SYTL2: variants seen among roughly 807,000 people sequenced by gnomAD.
SYTL2 encodes the protein synaptotagmin-like protein 2.
SYTL2 carries 165 observed loss-of-function variants against 198.7 expected under a neutral mutation model. The observed-to-expected ratio is 0.83, with a 90% CI of 0.73 to 0.94. The LOEUF is 0.94. Ranked by LOEUF, SYTL2 falls within the 40% of genes least tolerant of loss-of-function variation. The pLI, the probability that SYTL2 is intolerant of heterozygous loss-of-function variation, is 0.00. For synonymous variants in SYTL2, 966 were observed against 917.7 expected (o/e 1.05, Z -0.95); for missense variants, 2,835 against 2,582.8 (o/e 1.10, Z -2.12).
At chr11:85,794,060 G>A (rs934581375) in intron 1 of SYTL2, among the ~76,000 whole-genome samples, 23 of 152,228 alleles carry the variant, frequency 1.5e-4, no homozygotes, top group African/African-American at 5.3e-4. Flanking sequence ...TGTAGAGACA[G>A]GGTCTCACTA....
At chr11:85,816,327 C>T in the SYTL2 span, among the ~76,000 whole-genome samples, 1 of 152,152 alleles carries the variant, frequency 6.6e-6, no homozygotes, top group Non-Finnish European at 1.5e-5. Flanking sequence ...TAGGTTTCCT[C>T]TATAACTGTT....
chr11:85,810,926 A>G (rs2093023636), intron 1 of SYTL2, 28 bp downstream of exon 1: 1 of 152,280 alleles, frequency 6.6e-6, no homozygotes. Context: ...CGAGTGGGCC[A>G]AGTAGAGACT....
intron 8 of SYTL2, among the ~76,000 whole-genome samples, chr11:85,722,707 A>C (rs1565915953): frequency 6.6e-6 from 1 of 151,838 alleles, no homozygotes; most frequent in Admixed American, 6.6e-5. Flanking sequence ...TAATTAATTA[A>C]ATTTATTTAC....
chr11:85,734,406 T>C lies in SYTL2; in HGVS notation c.923A>G (p.His308Arg), dbSNP rs779745537. ...ATGCTCCTTCTCAGAAATTCTCTCA[T>C]GGATGGTTAGGCCAGGTGACACAAT... is the stretch of plus-strand genomic sequence containing the variant. ...SKIVSPGLTI[H>R]ERISEKEHSL... Residue 308 changes from histidine (H) to arginine (R), a missense_variant, in exon 7 of 20, where the codon CAT becomes CGT. By Grantham distance (29) the His-to-Arg change is conservative. Coordinates refer to ENST00000359152, the MANE Select transcript of SYTL2 (RefSeq NM_206927.4). 1.1e-5 allele frequency: 18 copies of C among 1,614,082 alleles called. No homozygotes were observed. Among genetic ancestry groups the C allele is most frequent in the Non-Finnish European group, 1.0e-5 (12 of 1,180,032 alleles).
intron 2 of SYTL2, among the ~76,000 whole-genome samples, chr11:85,755,025 A>C (rs188475016): frequency 3.9e-4 from 59 of 151,978 alleles, no homozygotes; most frequent in African/African-American, 1.3e-3. Flanking sequence ...GAACAACAAC[A>C]AAAAAAAATT....
At chr11:85,756,610 C>T (rs962922501) in intron 2 of SYTL2, among the ~76,000 whole-genome samples, 6 of 152,200 alleles carry the variant, frequency 3.9e-5, no homozygotes, top group South Asian at 2.1e-4. Context: ...ACCCACCAAC[C>T]GCAAAAGAGT....
intron 4 of SYTL2, among the ~76,000 whole-genome samples, chr11:85,738,964 C>T (rs1184623159): frequency 2.0e-5 from 3 of 152,198 alleles, no homozygotes; most frequent in Admixed American, 6.5e-5. Context: ...CCAGCCTCAA[C>T]AGCCCATATT....
chr11:85,818,910 C>T, the SYTL2 span, among the ~76,000 whole-genome samples: 1 of 152,094 alleles, frequency 6.6e-6, no homozygotes, highest in Non-Finnish European at 1.5e-5. Context: ...TTTGTCTTTT[C>T]TTCTGGACCC....
At chr11:85,754,326 G>C (rs1220491824) in intron 2 of SYTL2, among the ~76,000 whole-genome samples, 1 of 152,052 alleles carries the variant, frequency 6.6e-6, no homozygotes, top group Non-Finnish European at 1.5e-5. Context: ...GTACTTAATA[G>C]GTGCTCAATT....
rs768593481 is a variant in SYTL2 at position 85,695,191 on chromosome 11, G to C, written c.*4C>G. The C allele has an allele frequency of 1.2e-6, 2 of 1,609,638 alleles. No homozygotes were observed. Among genetic ancestry groups the C allele is most frequent in the Non-Finnish European group, 1.7e-6 (2 of 1,177,340 alleles). ...TTCAGTGGAGGAGCCAGTGGAATTT[G>C]GGCTCATTTGGAAATCTTGGCAATC... is the stretch of plus-strand genomic sequence containing the variant. On this transcript the variant is annotated 3_prime_UTR_variant, in exon 20 of 20. Transcript: ENST00000359152.
At chr11:85,839,576 T>C in the SYTL2 span, among the ~76,000 whole-genome samples, 2 of 152,348 alleles carry the variant, frequency 1.3e-5, no homozygotes, top group African/African-American at 4.8e-5. Context: ...TCACTTAACA[T>C]AATGATATTC....
At chr11:85,797,959 T>C (rs2092828489) in intron 1 of SYTL2, among the ~76,000 whole-genome samples, 1 of 151,930 alleles carries the variant, frequency 6.6e-6, no homozygotes. Flanking sequence ...GTTCAAGAGA[T>C]TCTCCTGCCT....
intron 1 of SYTL2, among the ~76,000 whole-genome samples, chr11:85,770,843 A>C (rs2092340099): frequency 1.3e-5 from 2 of 152,162 alleles, no homozygotes; most frequent in African/African-American, 4.8e-5. Context: ...GAGCCCAATA[A>C]TACTTATCCG....
At chr11:85,794,373 T>C (rs955909881) in intron 1 of SYTL2, among the ~76,000 whole-genome samples, 1 of 150,556 alleles carries the variant, frequency 6.6e-6, no homozygotes, top group Admixed American at 6.6e-5. Flanking sequence ...TAGAGACAGG[T>C]TCTCCCTATG....
At chr11:85,755,030 A>C (rs1047355045) in intron 2 of SYTL2, among the ~76,000 whole-genome samples, 6 of 152,204 alleles carry the variant, frequency 3.9e-5, no homozygotes, top group African/African-American at 1.4e-4. Context: ...ACAACAAAAA[A>C]AAATTTCATA....
At position 85,734,469 on chromosome 11, in the gene SYTL2, G is replaced by A. The variant is rs1012439452; in HGVS notation, c.860C>T (p.Thr287Ile). The A allele has an allele frequency of 1.9e-6, 3 of 1,614,204 alleles. No individual in the cohort carries two copies. The highest frequency in any genetic ancestry group is 1.7e-5 in the Admixed American group (1 of 60,032). The change falls in exon 7 of 20, where the codon ACC (threonine) becomes ATC (isoleucine). Residue 287 changes from threonine to isoleucine, a missense_variant. Thr to Ile is a moderately conservative substitution (Grantham distance 89). This residue lies in a region of SYTL2 where 2,645 missense variants were observed against 2,381.7 expected (regional missense o/e 1.11). Transcript: ENST00000359152. ...TTCAAAGTTGTGATTATAACGAAGG[G>A]TTTCTGAGTCTGTGCTACTGGAACT... is the stretch of plus-strand genomic sequence containing the variant. ...NSSSSSTDSE[T>I]LRYNHNFEPK...
At chr11:85,792,476 G>A (rs1315535481) in intron 1 of SYTL2, among the ~76,000 whole-genome samples, 4 of 152,006 alleles carry the variant, frequency 2.6e-5, no homozygotes, top group Admixed American at 2.6e-4. Context: ...TCACTCTGAA[G>A]TTGCAGAAAG....
At chr11:85,815,962 G>A (rs191240314), upstream of SYTL2, among the ~76,000 whole-genome samples, 4 of 152,176 alleles carry the variant, frequency 2.6e-5, no homozygotes, top group East Asian at 3.9e-4. Context: ...TCAGGAGTTC[G>A]AGACCACCCT....
chr11:85,820,613 G>T, the SYTL2 span, among the ~76,000 whole-genome samples: 1 of 152,202 alleles, frequency 6.6e-6, no homozygotes, highest in Admixed American at 6.5e-5. Flanking sequence ...TGGCATGTAC[G>T]AGAGTTTAAG....
Sources: allele counts gnomAD v4.1 joint callset (sites outside exome capture counted in the v4.1 genomes callset), GRCh38; gene constraint gnomAD v4.1.1; regional missense constraint gnomAD v4.1.1; transcripts MANE v1.5; gene names NCBI Gene and HGNC (gene_info 2026-07-23, HGNC 2026-07-21).